Variants in ANKRD30A observed in about 807,000 individuals in gnomAD.
ANKRD30A encodes ankyrin repeat domain-containing protein 30A.
Under a neutral mutation model 166.3 loss-of-function variants are expected in ANKRD30A, and 170 were observed. The observed-to-expected ratio is 1.02, with a 90% CI of 0.90 to 1.16. The LOEUF is 1.16. Among genes scored for constraint, ANKRD30A ranks in the 50% most tolerant of loss-of-function variants. The pLI is 0.00. For missense variants in ANKRD30A, 1,630 were observed against 1,518.0 expected (o/e 1.07, Z -1.23); for synonymous variants, 564 against 508.9 (o/e 1.11, Z -1.46).
chr10:37,207,811 C>T (rs1330775830), intron 31 of ANKRD30A, among the ~76,000 whole-genome samples: 1 of 151,840 alleles, frequency 6.6e-6, no homozygotes, highest in Non-Finnish European at 1.5e-5. Flanking sequence ...CCTCTTTAAA[C>T]TTTAAATGAC....
rs372377932 is a variant in ANKRD30A at position 37,217,757 on chromosome 10, G to A, written c.3146G>A (p.Arg1049Lys). The A allele has an allele frequency of 3.6e-5, 58 of 1,594,638 alleles. No homozygotes were observed. The African/African-American group carries it at 4.4e-4, about 12-fold the overall frequency. Residue 1049 changes from arginine (R) to lysine (K), a missense_variant, in exon 33 of 36, where the codon AGG (arginine) becomes AAG (lysine). Arg to Lys is a conservative substitution (Grantham distance 26). Coordinates refer to ENST00000361713, the MANE Select transcript of ANKRD30A (RefSeq NM_052997.3). ...GCCGATATATTAAATGAAAAAATTAGGGAAGAATTAGGAAGAATCGAAGAG... is the reference window on the plus strand; with the variant it reads ...GCCGATATATTAAATGAAAAAATTAAGGAAGAATTAGGAAGAATCGAAGAG... ...RNADILNEKI[R>K]EELGRIEEQH... is the part of the protein sequence containing the mutation.
At position 37,219,123 on chromosome 10, in the gene ANKRD30A, G is replaced by T. The variant is rs770080662; in HGVS notation, c.3411G>T (p.Lys1137Asn). ...AAAATAAATACTTTGAGGACATTAA[G>T]ATTTTAAAAGAAAAGAATGCTGAAC... ...EKENKYFEDI[K>N]ILKEKNAELQ... The change falls in exon 34 of 36, where the codon AAG becomes AAT. Residue 1137 changes from lysine (K) to asparagine (N), a missense_variant. Physicochemically the swap from Lys to Asn is moderately conservative, Grantham distance 94. Around this residue, in one of 4 missense-constraint regions of ANKRD30A, gnomAD observed 712 missense variants for 629.3 expected, o/e 1.13. Transcript: ENST00000361713. The T allele has an allele frequency of 2.5e-6, 4 of 1,609,822 alleles. No individual in the cohort carries two copies. The highest frequency in any genetic ancestry group is 1.1e-5 in the South Asian group (1 of 90,892).
chr10:37,172,741 G>C (rs1839682941), intron 21 of ANKRD30A, among the ~76,000 whole-genome samples: 1 of 144,386 alleles, frequency 6.9e-6, no homozygotes, highest in Admixed American at 6.9e-5. Flanking sequence ...GGGAACCACA[G>C]TGACTCATTA....
chr10:37,165,607 A>T (rs1266634432), intron 18 of ANKRD30A, among the ~76,000 whole-genome samples: 1 of 152,052 alleles, frequency 6.6e-6, no homozygotes, highest in East Asian at 1.9e-4. Context: ...GAACATATTG[A>T]CATATCTTTA....
At chr10:37,221,073 T>C (rs1394821631) in intron 34 of ANKRD30A, among the ~76,000 whole-genome samples, 1 of 144,282 alleles carries the variant, frequency 6.9e-6, no homozygotes, top group African/African-American at 2.5e-5. Context: ...GAGACTTCAG[T>C]AGGTTGTGAA....
At chr10:37,137,572 A>G (rs1836799109) in intron 6 of ANKRD30A, among the ~76,000 whole-genome samples, 1 of 152,136 alleles carries the variant, frequency 6.6e-6, no homozygotes, top group Non-Finnish European at 1.5e-5. Flanking sequence ...ACACCAGGAG[A>G]TTATATCCCG....
intron 3 of ANKRD30A, 86 bp downstream of exon 3, chr10:37,130,464 G>T: frequency 3.8e-6 from 4 of 1,053,920 alleles, no homozygotes; most frequent in African/African-American, 1.7e-5. Context: ...ATATTTGGAA[G>T]CTCAAACATT....
the ANKRD30A span, among the ~76,000 whole-genome samples, chr10:37,255,807 C>T: frequency 6.6e-6 from 1 of 152,202 alleles, no homozygotes; most frequent in Non-Finnish European, 1.5e-5. Context: ...GCTGCCTTTG[C>T]ATTTATTATT....
chr10:37,192,537 T>A (rs1299939506), intron 25 of ANKRD30A, among the ~76,000 whole-genome samples: 1 of 152,126 alleles, frequency 6.6e-6, no homozygotes, highest in Non-Finnish European at 1.5e-5. Flanking sequence ...TCTGCAATGA[T>A]AAGTACATTT....
intron 15 of ANKRD30A, among the ~76,000 whole-genome samples, chr10:37,158,832 T>C (rs774957538): frequency 6.6e-6 from 1 of 152,150 alleles, no homozygotes; most frequent in Non-Finnish European, 1.5e-5. Flanking sequence ...TAGTGTAAAG[T>C]TTCCAGTTTG....
At chr10:37,234,023 C>T (rs1408772766), downstream of ANKRD30A, among the ~76,000 whole-genome samples, 8 of 152,066 alleles carry the variant, frequency 5.3e-5, no homozygotes, top group Non-Finnish European at 1.0e-4. Flanking sequence ...CTATCTTATA[C>T]AGCTTTTTTA....
At chr10:37,200,983 C>T (rs1249845728) in intron 30 of ANKRD30A, among the ~76,000 whole-genome samples, 2 of 151,758 alleles carry the variant, frequency 1.3e-5, no homozygotes, top group African/African-American at 2.4e-5. Flanking sequence ...TGAATTTTTT[C>T]GTGTATATGA....
intron 34 of ANKRD30A, 29 bp from the exon 35 acceptor site, chr10:37,231,430 ACT>A: frequency 6.4e-7 from 1 of 1,572,484 alleles, no homozygotes; most frequent in Non-Finnish European, 8.6e-7. Flanking sequence ...AAAATAAAAT[ACT>A]AAGCATTTTC....
chr10:37,218,607 T>C (rs1384668080), intron 33 of ANKRD30A, among the ~76,000 whole-genome samples: 2 of 151,066 alleles, frequency 1.3e-5, no homozygotes. Flanking sequence ...AGCACTAAGA[T>C]TCTTAGTATA....
In ANKRD30A at chr10:37,126,023, C is replaced by G. The variant is rs749138565; in HGVS notation, c.221+15C>G. 1.9e-6 allele frequency: 3 copies of G among 1,603,802 alleles called. No individual in the cohort carries two copies. The highest frequency in any genetic ancestry group is 3.3e-5 in the Admixed American group (2 of 59,744). On this transcript the variant is annotated intron_variant, in intron 1 of 35. Coordinates refer to ENST00000361713, the MANE Select transcript of ANKRD30A (RefSeq NM_052997.3). Reference sequence around the variant, plus strand: ...GCCCAGAAGAGGTACCAGGCCCTGCCTGAGCCGGGGCTGCAGGAGGAGGTG... The same window carrying G: ...GCCCAGAAGAGGTACCAGGCCCTGCGTGAGCCGGGGCTGCAGGAGGAGGTG...
the ANKRD30A span, among the ~76,000 whole-genome samples, chr10:37,262,836 T>A: frequency 1.3e-5 from 2 of 152,104 alleles, no homozygotes; most frequent in Non-Finnish European, 2.9e-5. Flanking sequence ...AAATAAAGAC[T>A]AAAAAAATTT....
the ANKRD30A span, among the ~76,000 whole-genome samples, chr10:37,260,145 A>G: frequency 7.0e-6 from 1 of 143,686 alleles, no homozygotes; most frequent in South Asian, 2.4e-4. Flanking sequence ...CAAAAAAAAA[A>G]GAGAGAGAAA....
At chr10:37,150,322 G>C (rs1489592316) in intron 11 of ANKRD30A, among the ~76,000 whole-genome samples, 1 of 151,564 alleles carries the variant, frequency 6.6e-6, no homozygotes, top group East Asian at 1.9e-4. Flanking sequence ...CTGTGTGTTT[G>C]TGTGTGTGTG....
At chr10:37,126,228 C>T (rs1836002738) in intron 1 of ANKRD30A, among the ~76,000 whole-genome samples, 1 of 152,182 alleles carries the variant, frequency 6.6e-6, no homozygotes, top group African/African-American at 2.4e-5. Context: ...GGGCCCATGC[C>T]ACCTTAAAAT....
Sources: gnomAD v4.1 joint callset for allele counts (sites outside exome capture counted in the v4.1 genomes callset) on GRCh38, gnomAD v4.1.1 for gene constraint, gnomAD v4.1.1 regional missense constraint, MANE v1.5 for transcripts, NCBI Gene and HGNC (gene_info 2026-07-23, HGNC 2026-07-21) for gene names.